Variants in KLHDC7B observed in about 807,000 individuals in gnomAD.
The protein encoded by KLHDC7B is kelch domain-containing protein 7B.
Under a neutral mutation model 0.6 loss-of-function variants are expected in KLHDC7B, and 1 was observed. The observed-to-expected ratio is 1.71, with a 90% confidence interval of 0.61 to 8.11. KLHDC7B has a LOEUF of 8.11. Ranked by LOEUF, KLHDC7B falls within the 30% of genes most tolerant of loss-of-function variation. The pLI is 0.13. For missense variants in KLHDC7B, 993 were observed against 894.9 expected (o/e 1.11, Z -1.40); for synonymous variants, 462 against 405.2 (o/e 1.14, Z -1.68).
chr22:50,549,248 G>T lies in KLHDC7B; in HGVS notation c.3005G>T (p.Gly1002Val), dbSNP rs748467126. 2.5e-6 allele frequency: 4 copies of T among 1,609,874 alleles called. No homozygotes were observed. The South Asian group carries it at 3.3e-5, about 13-fold the overall frequency. ...CACAACTACCTGTTTCTGGCGGGGG[G>T]CATCCGTGGCTCCGGTGCCAAGGCC... ...TMHNYLFLAGGIRGSGAKAVC... is the reference protein window; with the variant it reads ...TMHNYLFLAGVIRGSGAKAVC... The change falls in exon 1 of 1, where the codon GGC becomes GTC. Residue 1002 changes from glycine (G) to valine (V), a missense_variant. Physicochemically the swap from Gly to Val is moderately radical, Grantham distance 109. Coordinates refer to ENST00000648057, the MANE Select transcript of KLHDC7B (RefSeq NM_138433.5).
Position 50,549,708 on chromosome 22 carries a change from G to T in KLHDC7B, c.3465G>T (p.Val1155=). ...VGAAVMRYNT[V]TGSWSRAASL... The stretch of plus-strand genomic sequence containing the variant: ...CCGCCGTGATGCGCTACAACACAGT[G>T]ACCGGCTCCTGGAGCAGGGCTGCCT... The change falls in exon 1 of 1, where the codon GTG becomes GTT. Residue 1155 remains valine, a synonymous_variant. Coordinates refer to ENST00000648057, the MANE Select transcript of KLHDC7B (RefSeq NM_138433.5). 1 of 1,580,606 alleles carries T rather than the reference G, an allele frequency of 6.3e-7. No homozygotes were observed. The highest frequency in any genetic ancestry group is 1.2e-5 in the South Asian group (1 of 86,942).
rs770664338 is a variant in KLHDC7B, at chr22:50,549,524, A to G, written c.3281A>G (p.Tyr1094Cys). Residue 1094 changes from tyrosine (Y) to cysteine (C), a missense_variant, in exon 1 of 1, where the codon TAC becomes TGC. Tyr to Cys is a radical substitution (Grantham distance 194). Coordinates refer to ENST00000648057, the MANE Select transcript of KLHDC7B (RefSeq NM_138433.5). ...GCTGTGGCCTGCCGTGGGGACATCT[A>G]CGTCACCGGGGGTCACCTCTTCTAC... ...HEAVACRGDI[Y>C]VTGGHLFYRL... is the part of the protein sequence containing the mutation. 1 of 1,608,482 alleles carries G rather than the reference A, an allele frequency of 6.2e-7. No individual in the cohort carries two copies. The highest frequency in any genetic ancestry group is 8.5e-7 in the Non-Finnish European group (1 of 1,177,076).
In KLHDC7B at chr22:50,546,455, G is replaced by C. The variant is rs892837989; in HGVS notation, c.212G>C (p.Gly71Ala). Residue 71 changes from glycine (G) to alanine (A), a missense_variant, in exon 1 of 1, where the codon GGA becomes GCA. Gly to Ala is a moderately conservative substitution (Grantham distance 60, BLOSUM62 0). Transcript: ENST00000648057. ...ALGAQPHQAGGAELALQPKSK... is the reference protein window; with the variant it reads ...ALGAQPHQAGAAELALQPKSK... ...GGGGCTCAACCTCATCAGGCAGGAG[G>C]AGCTGAGCTGGCCCTGCAACCGAAG... 5.8e-5 allele frequency: 23 copies of C among 399,312 alleles called. No individual in the cohort carries two copies. The highest frequency in any genetic ancestry group is 4.5e-4 in the African/African-American group (22 of 48,638). The allele number at this position is 399,312 out of a possible 1,614,324, so 24.7% of individuals were successfully genotyped here. A position where few individuals can be genotyped will look rare whatever the true frequency, so the allele number is the denominator to read the frequency against.
In KLHDC7B at chr22:50,549,216, C is replaced by CACCAT. The variant is rs770699675; in HGVS notation, c.1051_1055dup (p.Met352IlefsTer32). ...CCCCGCTTCGGGGCTGCGGTCTCTGCACCATGCACAACTACCTGTTTCTGG... is the reference window on the plus strand; with the variant it reads ...CCCCGCTTCGGGGCTGCGGTCTCTGCACCATACCATGCACAACTACCTGTTTCTGG... On this transcript the variant is annotated frameshift_variant, in exon 1 of 1. Coordinates refer to the KLHDC7B transcript ENST00000395676. LOFTEE classifies it low-confidence loss of function (END_TRUNC). The CACCAT allele has an allele frequency of 3.7e-6, 6 of 1,608,054 alleles. No homozygotes were observed. Among genetic ancestry groups the CACCAT allele is most frequent in the Non-Finnish European group, 5.1e-6 (6 of 1,179,910 alleles).
At position 50,549,174 on chromosome 22, in the gene KLHDC7B, C is replaced by T; in HGVS notation, c.2931C>T (p.Thr977=). 1 of 1,605,348 alleles carries T rather than the reference C, an allele frequency of 6.2e-7. No individual in the cohort carries two copies. Among genetic ancestry groups the T allele is most frequent in the Non-Finnish European group, 8.5e-7 (1 of 1,179,680 alleles). Residue 977 remains threonine (T), a synonymous_variant, in exon 1 of 1, where the codon ACC becomes ACT. Coordinates refer to ENST00000648057, the MANE Select transcript of KLHDC7B (RefSeq NM_138433.5). ...GGGAGAACACCTGGCGGCCCCTGAC[C>T]CAGGTGCCCGAGGAGGCCCCGCTTC... ...NPRENTWRPL[T]QVPEEAPLRG... is the part of the protein sequence containing the mutation.
In KLHDC7B at chr22:50,549,842, C is replaced by G. The variant is rs1436630123; in HGVS notation, c.3599C>G (p.Ala1200Gly). 1 of 1,584,366 alleles carries G rather than the reference C, an allele frequency of 6.3e-7. No homozygotes were observed. Among genetic ancestry groups the G allele is most frequent in the South Asian group, 1.1e-5 (1 of 88,266 alleles). ...ACCTTCACGGTCTCTGGGGGGACTG[C>G]CCAGTTCCAGGCCAAGGAGCTGCAG... ...TATFTVSGGT[A>G]QFQAKELQPF... The change falls in exon 1 of 1, where the codon GCC (alanine) becomes GGC (glycine). Residue 1200 changes from alanine (A) to glycine (G), a missense_variant. Ala to Gly is a moderately conservative substitution (Grantham distance 60, BLOSUM62 0). Transcript: ENST00000648057.
chr22:50,549,381 G>T lies in KLHDC7B; in HGVS notation c.3138G>T (p.Gly1046=). The change falls in exon 1 of 1, where the codon GGG becomes GGT. Residue 1046 remains glycine, a synonymous_variant. Transcript: ENST00000648057. ...AGCTCAAGCTGGTGGCCCTGGACGG[G>T]CTGCTCTATGCCATCGGTGGCGAAT... The part of the protein sequence containing the change: ...RAQLKLVALD[G]LLYAIGGECL... 1.2e-6 allele frequency: 2 copies of T among 1,612,812 alleles called. No homozygotes were observed. The highest frequency in any genetic ancestry group is 2.2e-5 in the East Asian group (1 of 44,884).
rs2069763889 is a variant in KLHDC7B, at chr22:50,548,704, C to T, written c.2461C>T (p.Arg821Trp). Residue 821 changes from arginine to tryptophan, a missense_variant, in exon 1 of 1, where the codon CGG (arginine) becomes TGG (tryptophan). Coordinates refer to ENST00000648057, the MANE Select transcript of KLHDC7B (RefSeq NM_138433.5). This position sits in a 1 kb window ranked among gnomAD's most constrained non-coding sequence, Gnocchi z 5.3. ...GCTCACGGAAAAGCAGGAGGAGGCC[C>T]GGAAGCTCATGGTGTTTCTGCAGAG... ...GALTEKQEEA[R>W]KLMVFLQRPG... The T allele has an allele frequency of 6.6e-7, 1 of 1,513,694 alleles. No homozygotes were observed. Among genetic ancestry groups the T allele is most frequent in the Non-Finnish European group, 8.8e-7 (1 of 1,131,534 alleles). The allele number at this position is 1,513,694 out of a possible 1,614,324, so 93.8% of individuals were successfully genotyped here.
chr22:50,547,592 A>G lies in KLHDC7B; in HGVS notation c.1349A>G (p.Gln450Arg). Residue 450 changes from glutamine to arginine, a missense_variant, in exon 1 of 1, where the codon CAG (glutamine) becomes CGG (arginine). By Grantham distance (43) the Gln-to-Arg change is conservative (BLOSUM62 1). Transcript: ENST00000648057. The part of the protein sequence containing the change: ...PSDFLPLEVT[Q>R]DPSVGENLRA... ...GACTTTTTGCCCCTGGAGGTTACCC[A>G]GGATCCTTCCGTGGGCGAAAATCTC... is the stretch of plus-strand genomic sequence containing the variant. 1 of 402,232 alleles carries G rather than the reference A, an allele frequency of 2.5e-6. No homozygotes were observed. Among genetic ancestry groups the G allele is most frequent in the Non-Finnish European group, 4.4e-6 (1 of 228,186 alleles). 24.9% of individuals were successfully genotyped at this position (402,232 alleles called of 1,614,324 possible). A position where few individuals can be genotyped will look rare whatever the true frequency, so the allele number is the denominator to read the frequency against.
In KLHDC7B at chr22:50,548,859, G is replaced by GAA; in HGVS notation, c.693_694insAA (p.Gln232AsnfsTer15). 1 of 1,557,618 alleles carries GAA rather than the reference G, an allele frequency of 6.4e-7. No individual in the cohort carries two copies. ...GCCTGGACGTGCTGGCCTTTGCCCA[G>GAA]CAGCACGGAGAGCCCGGCCTGGCGC... On this transcript the variant is annotated frameshift_variant, in exon 1 of 1. Transcript: ENST00000395676. LOFTEE classifies it low-confidence loss of function (END_TRUNC). The surrounding 1 kb of genome is among the most constrained non-coding windows in gnomAD (Gnocchi z 5.3).
rs976991843 is a variant in KLHDC7B at position 50,546,136 on chromosome 22, T to A, written c.-108T>A. Among the ~76,000 whole-genome samples, 5 of 152,192 alleles carry A rather than the reference T, an allele frequency of 3.3e-5. No individual in the cohort carries two copies. The highest frequency in any genetic ancestry group is 1.2e-4 in the African/African-American group (5 of 41,446). On this transcript the variant is annotated 5_prime_UTR_variant, in exon 1 of 1. Transcript: ENST00000648057. ...CCAGGCCCTGGAGGACTGGTCCACC[T>A]TAACTGGGCAGCCCTTGGGGCAGGC...
chr22:50,549,838 A>G lies in KLHDC7B; in HGVS notation c.3595A>G (p.Thr1199Ala). ...TGCCACCTTCACGGTCTCTGGGGGG[A>G]CTGCCCAGTTCCAGGCCAAGGAGCT... ...VTATFTVSGG[T>A]AQFQAKELQP... Residue 1199 changes from threonine (T) to alanine (A), a missense_variant, in exon 1 of 1, where the codon ACT becomes GCT. Coordinates refer to ENST00000648057, the MANE Select transcript of KLHDC7B (RefSeq NM_138433.5). The G allele has an allele frequency of 6.3e-7, 1 of 1,579,484 alleles. No individual in the cohort carries two copies. The highest frequency in any genetic ancestry group is 1.1e-5 in the South Asian group (1 of 88,104).
At position 50,548,330 on chromosome 22, in the gene KLHDC7B, G is replaced by C. The variant is rs1437951243; in HGVS notation, c.2087G>C (p.Gly696Ala). The C allele has an allele frequency of 2.1e-5, 32 of 1,550,930 alleles. No individual in the cohort carries two copies. Among genetic ancestry groups the C allele is most frequent in the Non-Finnish European group, 2.6e-5 (30 of 1,146,976 alleles). Residue 696 changes from glycine to alanine, a missense_variant, in exon 1 of 1, where the codon GGC becomes GCC. Transcript: ENST00000648057. The surrounding 1 kb of genome is among the most constrained non-coding windows in gnomAD (Gnocchi z 5.3). Reference sequence around the variant, plus strand: ...ACAGTCATAGGGACAGGTACAGGGGGCCTGGTTGAGGCTGGAGGTCAGCCA... The same window carrying C: ...ACAGTCATAGGGACAGGTACAGGGGCCCTGGTTGAGGCTGGAGGTCAGCCA... ...VGTVIGTGTG[G>A]LVEAGGQPQP...
In KLHDC7B at chr22:50,548,754, GGGGCCCCGGAAGCCCAGCTCCC is replaced by G. The variant is rs2069764948; in HGVS notation, c.595_616del (p.Arg199TrpfsTer40). 4 of 1,453,210 alleles carry G rather than the reference GGGGCCCCGGAAGCCCAGCTCCC, an allele frequency of 2.8e-6. No homozygotes were observed. The highest frequency in any genetic ancestry group is 3.6e-6 in the Non-Finnish European group (4 of 1,108,074). The allele number at this position is 1,453,210 out of a possible 1,614,324, so 90.0% of individuals were successfully genotyped here. A position where few individuals can be genotyped will look rare whatever the true frequency, so the allele number is the denominator to read the frequency against. On this transcript the variant is annotated frameshift_variant, in exon 1 of 1. Coordinates refer to the KLHDC7B transcript ENST00000395676. LOFTEE classifies it low-confidence loss of function (END_TRUNC). This position sits in a 1 kb window ranked among gnomAD's most constrained non-coding sequence, Gnocchi z 5.3. ...GGCCCGGGGGTTGGGGGGTGGTGGA[GGGGCCCCGGAAGCCCAGCTCCC>G]GGGCCCTGGAGCCCGCCACGGCGGC...
Position 50,548,447 on chromosome 22 carries a change from C to T in KLHDC7B, c.2204C>T (p.Pro735Leu). The change falls in exon 1 of 1, where the codon CCG becomes CTG. Residue 735 changes from proline to leucine, a missense_variant. Physicochemically the swap from Pro to Leu is moderately conservative, Grantham distance 98. Transcript: ENST00000648057. This position sits in a 1 kb window ranked among gnomAD's most constrained non-coding sequence, Gnocchi z 5.3. ...GEGTREKSLD[P>L]LPQAAMPRGP... is the part of the protein sequence containing the mutation. ...GGAACCAGGGAGAAAAGTCTAGACC[C>T]GCTGCCCCAAGCCGCGATGCCCAGG... 6.3e-7 allele frequency: 1 copy of T among 1,579,462 alleles called. No homozygotes were observed. Among genetic ancestry groups the T allele is most frequent in the Non-Finnish European group, 8.6e-7 (1 of 1,163,224 alleles).
Position 50,546,149 on chromosome 22 carries a change from C to T in KLHDC7B, c.-95C>T, listed in dbSNP as rs2069726283. 6.6e-6 allele frequency among the ~76,000 whole-genome samples: 1 copy of T among 152,204 alleles called. No homozygotes were observed. ...GACTGGTCCACCTTAACTGGGCAGC[C>T]CTTGGGGCAGGCGCTGGCCGGTGCC... On this transcript the variant is annotated 5_prime_UTR_variant, in exon 1 of 1. Transcript: ENST00000648057.
Position 50,548,667 on chromosome 22 carries a change from C to A in KLHDC7B, c.2424C>A (p.Gly808=). 2 of 1,520,148 alleles carry A rather than the reference C, an allele frequency of 1.3e-6. No individual in the cohort carries two copies. The highest frequency in any genetic ancestry group is 1.8e-6 in the Non-Finnish European group (2 of 1,134,300). 94.2% of individuals were successfully genotyped at this position (1,520,148 alleles called of 1,614,324 possible). A position where few individuals can be genotyped will look rare whatever the true frequency, so the allele number is the denominator to read the frequency against. Residue 808 remains glycine (G), a synonymous_variant, in exon 1 of 1, where the codon GGC becomes GGA. Transcript: ENST00000648057. The surrounding 1 kb of genome is among the most constrained non-coding windows in gnomAD (Gnocchi z 5.3). ...CGGGGGAGGGGGGCAGCCCTGCCGG[C>A]CGCAGCGGGGCGCTCACGGAAAAGC... ...EAPGEGGSPA[G]RSGALTEKQE...
chr22:50,547,229 T>A lies in KLHDC7B; in HGVS notation c.986T>A (p.Val329Asp), dbSNP rs2069739897. 6.6e-6 allele frequency among the ~76,000 whole-genome samples: 1 copy of A among 151,414 alleles called. No individual in the cohort carries two copies. Among genetic ancestry groups the A allele is most frequent in the African/African-American group, 2.4e-5 (1 of 41,160 alleles). ...GCCCCCGGAGGAGGCTGGCCCTGGG[T>A]CAGCAGGGAGGTCCCGGGCACCCGG... ...VPAPGGGWPW[V>D]SREVPGTRSF... The change falls in exon 1 of 1, where the codon GTC (valine) becomes GAC (aspartate). Residue 329 changes from valine to aspartate, a missense_variant. By Grantham distance (152) the Val-to-Asp change is radical. Transcript: ENST00000648057.
In KLHDC7B at chr22:50,548,796, G is replaced by A. The variant is rs2069765812; in HGVS notation, c.2553G>A (p.Thr851=). The change falls in exon 1 of 1, where the codon ACG becomes ACA. Residue 851 remains threonine (T), a synonymous_variant. Transcript: ENST00000648057. This position sits in a 1 kb window ranked among gnomAD's most constrained non-coding sequence, Gnocchi z 5.3. The stretch of plus-strand genomic sequence containing the variant: ...GCTCCCGGGCCCTGGAGCCCGCCAC[G>A]GCGGCAGCCCTGCGGCGGCGGCTGG... ...KPSSRALEPA[T]AAALRRRLDL... 6 of 1,464,108 alleles carry A rather than the reference G, an allele frequency of 4.1e-6. No individual in the cohort carries two copies. Among genetic ancestry groups the A allele is most frequent in the Admixed American group, 2.7e-5 (1 of 37,630 alleles). The allele number at this position is 1,464,108 out of a possible 1,614,324, so 90.7% of individuals were successfully genotyped here.
Sources: gnomAD v4.1 joint callset for allele counts (sites outside exome capture counted in the v4.1 genomes callset) on GRCh38, gnomAD v4.1.1 for gene constraint, Gnocchi (gnomAD v3.1) non-coding constraint, MANE v1.5 for transcripts, NCBI Gene and HGNC (gene_info 2026-07-23, HGNC 2026-07-21) for gene names.